FOXP1: variants seen among roughly 807,000 people sequenced by gnomAD.
FOXP1 encodes the protein forkhead box P1, also known as forkhead box protein P1.
Under a neutral mutation model 98.2 loss-of-function variants are expected in FOXP1, and 15 were observed. That is an observed-to-expected ratio of 0.15 (90% CI 0.10 to 0.24). The LOEUF (loss-of-function observed/expected upper bound fraction) is 0.24, where lower values mean the gene tolerates loss of function less well. Ranked by LOEUF, FOXP1 falls within the 10% of genes least tolerant of loss-of-function variation. FOXP1 has a pLI of 1.00. For synonymous variants in FOXP1, 371 were observed against 314.5 expected (o/e 1.18, Z -1.90); for missense variants, 633 against 848.5 (o/e 0.75, Z 3.15).
At chr3:71,014,196 C>T (rs1157027080) in intron 12 of FOXP1, among the ~76,000 whole-genome samples, 1 of 152,152 alleles carries the variant, frequency 6.6e-6, no homozygotes, top group Admixed American at 6.5e-5. Context: ...GCAAAAGAAA[C>T]TACCATCAGA....
intron 13 of FOXP1, among the ~76,000 whole-genome samples, chr3:70,993,392 A>T (rs2040903994): frequency 6.6e-6 from 1 of 152,114 alleles, no homozygotes; most frequent in African/African-American, 2.4e-5. Flanking sequence ...GGCCACAATG[A>T]TCCTCTGGGT....
rs200355554 is a variant in FOXP1, at chr3:70,977,959, G to C, written c.1217C>G (p.Thr406Ser). 459 of 1,614,196 alleles carry C rather than the reference G, an allele frequency of 2.8e-4. No homozygotes were observed. Among genetic ancestry groups the C allele is most frequent in the Non-Finnish European group, 3.8e-4 (453 of 1,180,028 alleles). The change falls in exon 15 of 21, where the codon ACT becomes AGT. Residue 406 changes from threonine to serine, a missense_variant. Around this residue, in one of 6 missense-constraint regions of FOXP1, gnomAD observed 141 missense variants for 199.5 expected, o/e 0.71. Coordinates refer to ENST00000649528, the MANE Select transcript of FOXP1 (RefSeq NM_001349338.3). ...SEASPQSLPH[T>S]PTTPTAPLTP... is the part of the protein sequence containing the mutation. ...CAGGGGGGCGGTTGGGGTCGTTGGA[G>C]TATGAGGTAAGCTCTGTGGAGAAGC...
intron 3 of FOXP1, among the ~76,000 whole-genome samples, chr3:71,401,625 T>G (rs1042431583): frequency 6.6e-6 from 1 of 152,200 alleles, no homozygotes; most frequent in South Asian, 2.1e-4. Flanking sequence ...TTAAAAGGGA[T>G]GCGGGAGAGA....
chr3:71,419,340 T>A (rs1484020881), intron 3 of FOXP1, among the ~76,000 whole-genome samples: 1 of 150,022 alleles, frequency 6.7e-6, no homozygotes, highest in African/African-American at 2.5e-5. Context: ...AGGTTATATA[T>A]CTTAAGAATT....
Position 70,960,934 on chromosome 3 carries a change from C to T in FOXP1, c.1890-1543G>A, listed in dbSNP as rs375581989. On this transcript the variant is annotated intron_variant, in intron 20 of 20. Coordinates refer to ENST00000649528, the MANE Select transcript of FOXP1 (RefSeq NM_001349338.3). ...TTGGCTCACTGCAAGCTCCGCCTCC[C>T]GGGTTCACGCCATTCTCCTGCCTCA... Among the ~76,000 whole-genome samples, 9 of 151,234 alleles carry T rather than the reference C, an allele frequency of 6.0e-5. No individual in the cohort carries two copies. In the East Asian group the frequency reaches 7.9e-4, roughly 13 times the overall value.
chr3:70,979,771 C>G lies in FOXP1; in HGVS notation c.1147-1742G>C, dbSNP rs544472307. Among the ~76,000 whole-genome samples the G allele has an allele frequency of 1.1e-3, 146 of 133,346 alleles. 2 individuals are homozygous for G. In the Admixed American group the frequency reaches 0.012, roughly 11 times the overall value. 87.5% of individuals were successfully genotyped at this position (133,346 alleles called of 152,430 possible). A position where few individuals can be genotyped will look rare whatever the true frequency, so the allele number is the denominator to read the frequency against. ...TGGGAAGACTCGACCTTTACTCACA[C>G]TCTAGTTAAAAAAAAAAAAAAAGGG... On this transcript the variant is annotated intron_variant, in intron 14 of 20. Coordinates refer to ENST00000649528, the MANE Select transcript of FOXP1 (RefSeq NM_001349338.3).
At chr3:71,455,905 A>G (rs1218404651) in intron 3 of FOXP1, among the ~76,000 whole-genome samples, 2 of 152,350 alleles carry the variant, frequency 1.3e-5, no homozygotes, top group East Asian at 1.9e-4. Context: ...AAACACCATC[A>G]TTCCACTTTT....
chr3:71,423,654 G>C (rs1353604789), intron 3 of FOXP1, among the ~76,000 whole-genome samples: 2 of 152,204 alleles, frequency 1.3e-5, no homozygotes, highest in Admixed American at 1.3e-4. Context: ...CTGGCCATGG[G>C]GCCAACACAG....
intron 6 of FOXP1, among the ~76,000 whole-genome samples, chr3:71,118,792 G>A (rs2058557921): frequency 1.3e-5 from 2 of 152,102 alleles, no homozygotes; most frequent in Non-Finnish European, 2.9e-5. Flanking sequence ...AACTTATATG[G>A]TATTCAAATT....
intron 11 of FOXP1, among the ~76,000 whole-genome samples, chr3:71,036,454 G>C (rs560164813): frequency 2.6e-5 from 4 of 152,274 alleles, no homozygotes; most frequent in South Asian, 4.1e-4. Context: ...CAAATACTTA[G>C]AACAGCTATG....
chr3:71,009,165 G>A (rs1216870922), intron 12 of FOXP1, among the ~76,000 whole-genome samples: 1 of 99,822 alleles, frequency 1.0e-5, no homozygotes, highest in Admixed American at 9.7e-5. Flanking sequence ...CGGGGGGGGG[G>A]GGGCGCATGA....
At chr3:71,040,270 T>C (rs781551773) in intron 11 of FOXP1, 1 of 152,170 alleles carries the variant, frequency 6.6e-6, no homozygotes, top group Admixed American at 6.5e-5. Flanking sequence ...CTGAAATATA[T>C]AATTAAATGT....
chr3:71,506,184 T>A (rs949897487), intron 2 of FOXP1, among the ~76,000 whole-genome samples: 1 of 152,206 alleles, frequency 6.6e-6, no homozygotes, highest in Non-Finnish European at 1.5e-5. Context: ...TAGTTCGCAG[T>A]TGGCTTCGGC....
chr3:71,295,100 G>A (rs778511783), intron 5 of FOXP1, among the ~76,000 whole-genome samples: 3 of 152,190 alleles, frequency 2.0e-5, no homozygotes, highest in Admixed American at 6.5e-5. Flanking sequence ...TGTACTGTAT[G>A]TGTGTACGGG....
intron 7 of FOXP1, among the ~76,000 whole-genome samples, chr3:71,058,156 T>C (rs1480383061): frequency 2.0e-5 from 3 of 152,010 alleles, no homozygotes; most frequent in Admixed American, 6.5e-5. Flanking sequence ...ATTGAAGGAA[T>C]TGGGTGGGAG....
chr3:71,390,337 G>A (rs543106328), intron 3 of FOXP1, among the ~76,000 whole-genome samples: 1 of 152,174 alleles, frequency 6.6e-6, no homozygotes, highest in East Asian at 1.9e-4. Context: ...GGATTCTAAG[G>A]GCCAAGAGGT....
Position 71,286,033 on chromosome 3 carries a change from G to A in FOXP1, c.-12+13787C>T, listed in dbSNP as rs76322215. Reference sequence around the variant, plus strand: ...ATAAGAGTGTACTTAAACCCAGATAGTATGTATATTTTTACTTATATATTT... The same window carrying A: ...ATAAGAGTGTACTTAAACCCAGATAATATGTATATTTTTACTTATATATTT... On this transcript the variant is annotated intron_variant, in intron 5 of 20. Transcript: ENST00000649528. 1.0e-2 allele frequency among the ~76,000 whole-genome samples: 1,517 copies of A among 152,260 alleles called. 30 individuals carry two copies. Among genetic ancestry groups the A allele is most frequent in the African/African-American group, 0.034 (1,420 of 41,532 alleles).
At chr3:70,970,941 GCTTTCTCCCCGT>G in intron 18 of FOXP1, 136 bp from the exon 19 acceptor site, 1 of 721,566 alleles carries the variant, frequency 1.4e-6, no homozygotes, top group East Asian at 2.7e-5. Context: ...GAAAAGTCAG[GCTTTCTCCCCGT>G]CACTGATTTG....
intron 6 of FOXP1, among the ~76,000 whole-genome samples, chr3:71,126,884 C>CAAAAAAAAAAAAAA (rs1575879348): frequency 1.2e-5 from 1 of 80,352 alleles, no homozygotes; most frequent in African/African-American, 4.1e-5. Context: ...AAAAAAAAAA[C>CAAAAAAAAAAAAAA]AAAAACAAAA....
Sources: allele counts gnomAD v4.1 joint callset (sites outside exome capture counted in the v4.1 genomes callset), GRCh38; gene constraint gnomAD v4.1.1; regional missense constraint gnomAD v4.1.1; transcripts MANE v1.5; gene names NCBI Gene and HGNC (gene_info 2026-07-23, HGNC 2026-07-21).